NKD2: variants seen among roughly 807,000 people sequenced by gnomAD.
The protein encoded by NKD2 is NKD inhibitor of Wnt signaling pathway 2.
NKD2 carries 43 observed loss-of-function variants against 34.8 expected under a neutral mutation model. That is an observed-to-expected ratio of 1.24 (90% confidence interval 0.97 to 1.60). The LOEUF is 1.60. Ranked by LOEUF, NKD2 falls within the 40% of genes most tolerant of loss-of-function variation. The pLI is 0.00. For missense variants in NKD2, 675 were observed against 627.1 expected, an observed-to-expected ratio of 1.08 and a Z score of -0.82; for synonymous variants, 278 against 265.1, an observed-to-expected ratio of 1.05 and a Z score of -0.47.
In NKD2 at chr5:1,035,382, C is replaced by A; in HGVS notation, c.575-7C>A. The A allele has an allele frequency of 6.4e-7, 1 of 1,555,226 alleles. No individual in the cohort carries two copies. The highest frequency in any genetic ancestry group is 8.7e-7 in the Non-Finnish European group (1 of 1,149,102). Reference sequence around the variant, plus strand: ...GGGAGTGAGTAATGGCAGGACCCCCCTTTCAGACCGGGAGCCCACCCGTTG... The same window carrying A: ...GGGAGTGAGTAATGGCAGGACCCCCATTTCAGACCGGGAGCCCACCCGTTG... On this transcript the variant is annotated splice_region_variant and splice_polypyrimidine_tract_variant and intron_variant, in intron 7 of 9. Transcript: ENST00000296849.
At position 1,032,183 on chromosome 5, in the gene NKD2, C is replaced by G; in HGVS notation, c.173C>G (p.Pro58Arg). 6.2e-7 allele frequency: 1 copy of G among 1,610,134 alleles called. No individual in the cohort carries two copies. Among genetic ancestry groups the G allele is most frequent in the Non-Finnish European group, 8.5e-7 (1 of 1,178,910 alleles). The change falls in exon 4 of 10, where the codon CCT becomes CGT. Residue 58 changes from proline to arginine, a missense_variant. Physicochemically the swap from Pro to Arg is moderately radical, Grantham distance 103. Transcript: ENST00000296849. The stretch of plus-strand genomic sequence containing the variant: ...CCCAATGGGGACCCCAAGGAGGGGC[C>G]TTTCCGGGAGGACCAGTGTCCCCTA... ...ELPNGDPKEG[P>R]FREDQCPLQV...
Position 1,009,321 on chromosome 5 carries a change from G to A in NKD2, c.61+107G>A, listed in dbSNP as rs1755654016. ...GCCCTGGAGCCAGCAGTGGGGGGAC[G>A]GGGCCGCGGGTCTCCAGGAGCGCGC... On this transcript the variant is annotated intron_variant, in intron 2 of 9. Transcript: ENST00000296849. The surrounding 1 kb of genome is among the most constrained non-coding windows in gnomAD (Gnocchi z 6.9). 3.8e-6 allele frequency: 2 copies of A among 523,854 alleles called. No individual in the cohort carries two copies. Among genetic ancestry groups the A allele is most frequent in the Non-Finnish European group, 6.5e-6 (2 of 309,962 alleles). The allele number at this position is 523,854 out of a possible 1,614,324, so 32.5% of individuals were successfully genotyped here.
Position 1,038,923 on chromosome 5 carries a change from C to T in NKD2, c.*550C>T, listed in dbSNP as rs1212272744. The stretch of plus-strand genomic sequence containing the variant: ...CAGGAGGCCAAGCAGCAGAAGGCAG[C>T]AGTGCTAGAAAGAGAAGTGCCAGAG... On this transcript the variant is annotated 3_prime_UTR_variant, in exon 10 of 10. Coordinates refer to ENST00000296849, the MANE Select transcript of NKD2 (RefSeq NM_033120.4). The surrounding 1 kb of genome is among the most constrained non-coding windows in gnomAD (Gnocchi z 4.5). The T allele has an allele frequency of 4.1e-6, 1 of 245,314 alleles. No homozygotes were observed. Among genetic ancestry groups the T allele is most frequent in the South Asian group, 5.1e-5 (1 of 19,556 alleles). 15.2% of individuals were successfully genotyped at this position (245,314 alleles called of 1,614,324 possible). A position where few individuals can be genotyped will look rare whatever the true frequency, so the allele number is the denominator to read the frequency against.
intron 9 of NKD2, 32 bp from the exon 10 acceptor site, chr5:1,037,773 C>A: frequency 6.4e-7 from 1 of 1,563,280 alleles, no homozygotes; most frequent in Non-Finnish European, 8.6e-7. Flanking sequence ...GCCTGCACTC[C>A]CAGGGCCTCA....
Position 1,033,870 on chromosome 5 carries a change from C to T in NKD2, c.331-365C>T, listed in dbSNP as rs529128712. ...ACAGGGCTTCCGTTTCCCGGGAGGG[C>T]TCAGGGAGGACTGGGGTCTCCGTGT... On this transcript the variant is annotated intron_variant, in intron 5 of 9. Transcript: ENST00000296849. Among the ~76,000 whole-genome samples, 12 of 152,358 alleles carry T rather than the reference C, an allele frequency of 7.9e-5. 1 individual carries two copies. In the South Asian group the frequency reaches 2.1e-3, roughly 26 times the overall value.
At position 1,016,886 on chromosome 5, in the gene NKD2, C is replaced by A. The variant is rs372985052; in HGVS notation, c.141+7326C>A. 1.1e-4 allele frequency among the ~76,000 whole-genome samples: 17 copies of A among 152,226 alleles called. No homozygotes were observed. The East Asian group carries it at 2.7e-3, about 24-fold the overall frequency. On this transcript the variant is annotated intron_variant, in intron 3 of 9. Coordinates refer to ENST00000296849, the MANE Select transcript of NKD2 (RefSeq NM_033120.4). ...TTTCCCCAAAGGATAACAGAGCCGACCCCATCCTCCTTTCCACAAAGGATA... is the reference window on the plus strand; with the variant it reads ...TTTCCCCAAAGGATAACAGAGCCGAACCCATCCTCCTTTCCACAAAGGATA...
At position 1,019,676 on chromosome 5, in the gene NKD2, C is replaced by G. The variant is rs564258897; in HGVS notation, c.141+10116C>G. The stretch of plus-strand genomic sequence containing the variant: ...CTGTAATCAAATATAAGCCCCTCAA[C>G]CAGCATTTTCCGCTGTTTCTCTTTG... On this transcript the variant is annotated intron_variant, in intron 3 of 9. Transcript: ENST00000296849. Among the ~76,000 whole-genome samples the G allele has an allele frequency of 1.8e-3, 274 of 152,324 alleles. 1 individual carries two copies. The highest frequency in any genetic ancestry group is 6.3e-3 in the African/African-American group (261 of 41,568).
intron 8 of NKD2, 60 bp from the exon 9 acceptor site, chr5:1,036,197 C>T (rs1033478865): frequency 1.3e-5 from 19 of 1,462,340 alleles, no homozygotes; most frequent in Middle Eastern, 1.9e-4. Flanking sequence ...GGCACCCCGT[C>T]ATCAGGGGTG....
At chr5:1,013,949 C>T (rs901739118) in intron 3 of NKD2, among the ~76,000 whole-genome samples, 2 of 152,172 alleles carry the variant, frequency 1.3e-5, no homozygotes, top group African/African-American at 4.8e-5. Context: ...CACAGAGCGT[C>T]CCTGCCACAG....
At chr5:1,036,645 C>G (rs117025467) in intron 9 of NKD2, 8,266 of 609,958 alleles carry the variant, frequency 0.014, 102 homozygotes, top group East Asian at 0.047. Flanking sequence ...GTGGCGGATG[C>G]GGGGGTGCCT....
intron 6 of NKD2, 45 bp downstream of exon 6, chr5:1,034,375 C>T (rs371264424): frequency 2.4e-5 from 36 of 1,485,992 alleles, no homozygotes; most frequent in Non-Finnish European, 3.1e-5. Context: ...AGTAGACAGA[C>T]GGGGCAGACA....
intron 3 of NKD2, among the ~76,000 whole-genome samples, chr5:1,010,580 C>T (rs747167586): frequency 1.3e-5 from 2 of 152,126 alleles, no homozygotes; most frequent in Non-Finnish European, 2.9e-5. Flanking sequence ...CCATCTAACG[C>T]CTGTGATGGT....
At chr5:1,018,932 G>A (rs1756064708) in intron 3 of NKD2, among the ~76,000 whole-genome samples, 1 of 152,206 alleles carries the variant, frequency 6.6e-6, no homozygotes, top group African/African-American at 2.4e-5. Context: ...CACCATCCCT[G>A]CTTTGGGGCA....
intron 3 of NKD2, among the ~76,000 whole-genome samples, chr5:1,021,311 C>T (rs1198359980): frequency 6.8e-6 from 1 of 147,192 alleles, no homozygotes; most frequent in African/African-American, 2.5e-5. Context: ...CCCGGTCCCC[C>T]CGGCCCCCCA....
At chr5:1,032,251 C>T in intron 4 of NKD2, 39 bp downstream of exon 4, 2 of 1,524,614 alleles carry the variant, frequency 1.3e-6, no homozygotes, top group Non-Finnish European at 1.8e-6. Context: ...CCCAAACTCA[C>T]AGACTTCATC....
intron 3 of NKD2, among the ~76,000 whole-genome samples, chr5:1,020,888 C>T (rs1412933684): frequency 6.6e-6 from 1 of 151,962 alleles, no homozygotes; most frequent in African/African-American, 2.4e-5. Context: ...CAGAGACCCT[C>T]CCTGGGCTTA....
chr5:1,014,675 C>T (rs1250911625), intron 3 of NKD2, among the ~76,000 whole-genome samples: 1 of 152,226 alleles, frequency 6.6e-6, no homozygotes, highest in African/African-American at 2.4e-5. Context: ...TGCCACTGTC[C>T]TGTCTAGGCT....
At position 1,009,704 on chromosome 5, in the gene NKD2, C is replaced by T. The variant is rs1755675528; in HGVS notation, c.141+144C>T. ...CACGAGTGACCGGGGGCCAGGAGAG[C>T]CAGTCTCTCCCCAGCCTCCACGACG... On this transcript the variant is annotated intron_variant, in intron 3 of 9. Coordinates refer to ENST00000296849, the MANE Select transcript of NKD2 (RefSeq NM_033120.4). This position sits in a 1 kb window ranked among gnomAD's most constrained non-coding sequence, Gnocchi z 6.9. 9 of 630,244 alleles carry T rather than the reference C, an allele frequency of 1.4e-5. No homozygotes were observed. Among genetic ancestry groups the T allele is most frequent in the South Asian group, 2.6e-5 (1 of 38,742 alleles). The allele number at this position is 630,244 out of a possible 1,614,324, so 39.0% of individuals were successfully genotyped here. A position where few individuals can be genotyped will look rare whatever the true frequency, so the allele number is the denominator to read the frequency against.
intron 3 of NKD2, among the ~76,000 whole-genome samples, chr5:1,024,072 T>C (rs867455108): frequency 5.3e-3 from 10 of 1,874 alleles, no homozygotes; most frequent in Admixed American, 0.028. Context: ...TGTGGGCGTC[T>C]CAGCCCATTG....
Sources: gnomAD v4.1 joint callset for allele counts (sites outside exome capture counted in the v4.1 genomes callset) on GRCh38, gnomAD v4.1.1 for gene constraint, Gnocchi (gnomAD v3.1) non-coding constraint, MANE v1.5 for transcripts, NCBI Gene and HGNC (gene_info 2026-07-23, HGNC 2026-07-21) for gene names.